Variants in TRAPPC2 observed in about 807,000 individuals in gnomAD.
TRAPPC2 encodes sedlin.
A neutral mutation model predicts 10.0 loss-of-function variants in TRAPPC2; 4 were observed. The ratio of observed to expected loss-of-function variants is 0.40; its 90% CI spans 0.20 to 0.92. TRAPPC2 has a LOEUF of 0.92. Among genes scored for constraint, TRAPPC2 ranks in the 40% least tolerant of loss-of-function variants. The pLI is 0.35. For missense variants in TRAPPC2, 52 were observed against 108.7 expected, an observed-to-expected ratio of 0.48 and a Z score of 2.32; for synonymous variants, 36 against 37.3, an observed-to-expected ratio of 0.97 and a Z score of 0.12.
intron 1 of TRAPPC2, 70 bp from the exon 2 acceptor site, chrX:13,734,255 C>T: frequency 2.6e-6 from 1 of 390,538 alleles, no homozygotes; most frequent in Non-Finnish European, 4.5e-6. Context: ...AACAAAGAAT[C>T]TTCCGGCTCC....
intron 2 of TRAPPC2, among the ~76,000 whole-genome samples, chrX:13,731,524 T>G (rs1016664352): frequency 8.9e-6 from 1 of 112,408 alleles, no homozygotes. Context: ...TTTTGGTATC[T>G]ACCTAAGAAC....
At chrX:13,716,828 G>T (rs2046297596) in intron 3 of TRAPPC2, 150 bp from the exon 4 acceptor site, 1 of 546,816 alleles carries the variant, frequency 1.8e-6, no homozygotes, top group South Asian at 3.4e-5. Context: ...ACTTATAAAA[G>T]ATCTGTTTTC....
At chrX:13,733,358 T>C (rs1251037909) in intron 2 of TRAPPC2, among the ~76,000 whole-genome samples, 1 of 111,770 alleles carries the variant, frequency 8.9e-6, no homozygotes, top group Non-Finnish European at 1.9e-5. Context: ...CTCGTTTACT[T>C]ATTTTTTCTC....
Position 13,714,343 on chromosome X carries a change from C to G in TRAPPC2, c.*64G>C. The G allele has an allele frequency of 1.4e-6, 1 of 708,266 alleles. No individual in the cohort carries two copies. 58.4% of individuals were successfully genotyped at this position (708,266 alleles called of 1,213,427 possible). A position where few individuals can be genotyped will look rare whatever the true frequency, so the allele number is the denominator to read the frequency against. On this transcript the variant is annotated 3_prime_UTR_variant, in exon 6 of 6. Transcript: ENST00000380579. ...CCAGGCTATTTAATCAAGTAACTTA[C>G]AATGTACACATTCCTGAGTATACAC...
In TRAPPC2 at chrX:13,716,109, A is replaced by T. The variant is rs184435013; in HGVS notation, c.239-20T>A. The T allele has an allele frequency of 5.3e-4, 621 of 1,170,763 alleles. 2 individuals carry two copies. Among genetic ancestry groups the T allele is most frequent in the Non-Finnish European group, 6.6e-4 (579 of 872,109 alleles). On this transcript the variant is annotated intron_variant, in intron 4 of 5. Transcript: ENST00000380579. The stretch of plus-strand genomic sequence containing the variant: ...TCATATGTGAAATAATTAAGGCATA[A>T]TCTTTCTTAGAAATGAAAAACAAAA...
chrX:13,721,547 A>G (rs1317115796), intron 2 of TRAPPC2: 1 of 112,169 alleles, frequency 8.9e-6, no homozygotes, highest in African/African-American at 3.2e-5. Flanking sequence ...GAGGTGTGTT[A>G]GAAGCCAAGA....
At position 13,734,556 on chromosome X, in the gene TRAPPC2, T is replaced by C; in HGVS notation, c.-193A>G. On this transcript the variant is annotated 5_prime_UTR_variant, in exon 1 of 6. Transcript: ENST00000380579. ...TGGGAGGCCGACAACGGAAACGCAATGTCAGTTTCCGCGGAAGAGACCCGC... is the reference window on the plus strand; with the variant it reads ...TGGGAGGCCGACAACGGAAACGCAACGTCAGTTTCCGCGGAAGAGACCCGC... 2.5e-6 allele frequency: 1 copy of C among 407,481 alleles called. No individual in the cohort carries two copies. The allele number at this position is 407,481 out of a possible 1,213,427, so 33.6% of individuals were successfully genotyped here.
intron 2 of TRAPPC2, among the ~76,000 whole-genome samples, chrX:13,724,080 A>C (rs1196189441): frequency 1.8e-5 from 2 of 111,713 alleles, no homozygotes; most frequent in East Asian, 5.6e-4. Context: ...GGAATGCAGG[A>C]GGCCCCCAGA....
chrX:13,718,368 G>C (rs1447648786), intron 3 of TRAPPC2, among the ~76,000 whole-genome samples: 2 of 113,231 alleles, frequency 1.8e-5, no homozygotes, highest in Non-Finnish European at 3.7e-5. Flanking sequence ...GCTCACAGCA[G>C]TGTTTTCTTT....
At chrX:13,732,194 A>G (rs1255605292) in intron 2 of TRAPPC2, among the ~76,000 whole-genome samples, 1 of 111,825 alleles carries the variant, frequency 8.9e-6, no homozygotes, top group Non-Finnish European at 1.9e-5. Flanking sequence ...GAAGGTACTC[A>G]GTTCTGGGAA....
chrX:13,721,653 T>A (rs938783243), intron 2 of TRAPPC2: 1 of 111,559 alleles, frequency 9.0e-6, no homozygotes, highest in African/African-American at 3.3e-5. Context: ...ATGACACATT[T>A]TATAAAGGAA....
At position 13,723,058 on chromosome X, in the gene TRAPPC2, GCA is replaced by G. The variant is rs767087403; in HGVS notation, c.-19-3078_-19-3077del. ...TGCAGTGAGCCAAGATCGTGCCACT[GCA>G]CACTCCAGCCTGGTGACAGAGCAAG... On this transcript the variant is annotated intron_variant, in intron 2 of 5. Transcript: ENST00000380579. Among the ~76,000 whole-genome samples, 55 of 97,375 alleles carry G rather than the reference GCA, an allele frequency of 5.6e-4. No homozygotes were observed. The South Asian group carries it at 0.024, about 43-fold the overall frequency. The allele number at this position is 97,375 out of a possible 115,157, so 84.6% of individuals were successfully genotyped here.
chrX:13,714,217 C>T lies in TRAPPC2; in HGVS notation c.*190G>A, dbSNP rs1602705190. On this transcript the variant is annotated 3_prime_UTR_variant, in exon 6 of 6. Coordinates refer to ENST00000380579, the MANE Select transcript of TRAPPC2 (RefSeq NM_001011658.4). The stretch of plus-strand genomic sequence containing the variant: ...AATAACACTGTTCACAAGGAAATAC[C>T]AATTGATCTATTGATACGTGACATG... The T allele has an allele frequency of 3.5e-6, 1 of 283,020 alleles. No individual in the cohort carries two copies. Among genetic ancestry groups the T allele is most frequent in the East Asian group, 5.3e-5 (1 of 19,023 alleles). 23.3% of individuals were successfully genotyped at this position (283,020 alleles called of 1,213,427 possible).
At chrX:13,725,924 G>A (rs1032381789) in intron 2 of TRAPPC2, among the ~76,000 whole-genome samples, 1 of 111,573 alleles carries the variant, frequency 9.0e-6, no homozygotes, top group African/African-American at 3.3e-5. Flanking sequence ...ATGACCTGAG[G>A]GAGCTAAAAA....
chrX:13,726,487 TTCA>T, intron 2 of TRAPPC2, among the ~76,000 whole-genome samples: 1 of 111,747 alleles, frequency 8.9e-6, no homozygotes, highest in East Asian at 2.8e-4. Context: ...AACCCAGAAT[TTCA>T]TATCCAGCCA....
chrX:13,722,305 A>T (rs1416348461), intron 2 of TRAPPC2: 1 of 107,224 alleles, frequency 9.3e-6, no homozygotes, highest in Non-Finnish European at 1.9e-5. Flanking sequence ...CCCCACACTC[A>T]CCCCTATATG....
chrX:13,714,637 A>T, intron 5 of TRAPPC2, 132 bp from the exon 6 acceptor site: 1 of 385,806 alleles, frequency 2.6e-6, no homozygotes, highest in Non-Finnish European at 4.5e-6. Context: ...TTTAAGTTTT[A>T]TTGAAAATGC....
In TRAPPC2 at chrX:13,733,916, T is replaced by G. The variant is rs994743967; in HGVS notation, c.-20+128A>C. 8.6e-6 allele frequency: 4 copies of G among 464,882 alleles called. No individual in the cohort carries two copies. In the East Asian group the frequency reaches 1.5e-4, roughly 18 times the overall value. 38.3% of individuals were successfully genotyped at this position (464,882 alleles called of 1,213,427 possible). A position where few individuals can be genotyped will look rare whatever the true frequency, so the allele number is the denominator to read the frequency against. On this transcript the variant is annotated intron_variant, in intron 2 of 5. Coordinates refer to ENST00000380579, the MANE Select transcript of TRAPPC2 (RefSeq NM_001011658.4). ...CTTCAACCACCTCCCCTTTAAACTCTTTATCCAGTCTACAATGTATCTTAG... is the reference window on the plus strand; with the variant it reads ...CTTCAACCACCTCCCCTTTAAACTCGTTATCCAGTCTACAATGTATCTTAG...
chrX:13,714,545 C>T (rs1049499269), intron 5 of TRAPPC2, 40 bp from the exon 6 acceptor site: 1 of 786,980 alleles, frequency 1.3e-6, no homozygotes. Flanking sequence ...AAAAAGCTGA[C>T]AAATCTTAAG....
Sources: gnomAD v4.1 joint callset for allele counts (sites outside exome capture counted in the v4.1 genomes callset) on GRCh38, gnomAD v4.1.1 for gene constraint, MANE v1.5 for transcripts, NCBI Gene and HGNC (gene_info 2026-07-23, HGNC 2026-07-21) for gene names.